The following ERICH6B variants were observed in gnomAD, a reference collection of about 807,000 sequenced individuals.
The protein encoded by ERICH6B is glutamate-rich protein 6B.
Under a neutral mutation model 80.0 loss-of-function variants are expected in ERICH6B, and 69 were observed. The observed-to-expected ratio is 0.86, with a 90% CI of 0.71 to 1.05. The LOEUF is 1.05. Ranked by LOEUF, ERICH6B falls within the 50% of genes least tolerant of loss-of-function variation. The pLI is 0.00. For synonymous variants in ERICH6B, 283 were observed against 291.9 expected (o/e 0.97, Z 0.31); for missense variants, 754 against 796.1 (o/e 0.95, Z 0.64).
chr13:45,599,223 G>A (rs188270905), intron 2 of ERICH6B, among the ~76,000 whole-genome samples: 4 of 152,320 alleles, frequency 2.6e-5, no homozygotes, highest in Non-Finnish European at 4.4e-5. Flanking sequence ...GATCACTTAA[G>A]AGGTCAGTGG....
chr13:45,580,917 TCTC>T lies in ERICH6B; in HGVS notation c.857-255_857-253del, dbSNP rs1330791017. Among the ~76,000 whole-genome samples the T allele has an allele frequency of 3.9e-5, 6 of 152,296 alleles. No homozygotes were observed. In the East Asian group the frequency reaches 7.7e-4, roughly 20 times the overall value. Reference sequence around the variant, plus strand: ...AGAAAATGTAACCCTGTTGTGGCCTTCTCCTCTGGTTACCATGAGGCTAGTTTT... The same window carrying T: ...AGAAAATGTAACCCTGTTGTGGCCTTCTCTGGTTACCATGAGGCTAGTTTT... On this transcript the variant is annotated intron_variant, in intron 5 of 14. Coordinates refer to ENST00000298738, the MANE Select transcript of ERICH6B (RefSeq NM_182542.3).
chr13:45,606,705 C>T (rs1949868992), intron 2 of ERICH6B, among the ~76,000 whole-genome samples: 1 of 151,046 alleles, frequency 6.6e-6, no homozygotes, highest in Non-Finnish European at 1.5e-5. Context: ...AGGTGCCCAT[C>T]ACCATGCGTG....
chr13:45,559,535 G>A (rs1036235818), intron 11 of ERICH6B, among the ~76,000 whole-genome samples: 1 of 151,916 alleles, frequency 6.6e-6, no homozygotes, highest in South Asian at 2.1e-4. Context: ...GGCATTTAGG[G>A]CCACTAACTT....
intron 3 of ERICH6B, among the ~76,000 whole-genome samples, chr13:45,591,527 C>T (rs1006617019): frequency 1.5e-4 from 23 of 152,210 alleles, no homozygotes; most frequent in African/African-American, 4.6e-4. Context: ...ACCCAGGAGG[C>T]GGAGCTTGCA....
intron 14 of ERICH6B, among the ~76,000 whole-genome samples, chr13:45,542,016 G>T (rs1289638496): frequency 1.3e-5 from 2 of 152,174 alleles, no homozygotes; most frequent in South Asian, 2.1e-4. Context: ...TCCCCATGGG[G>T]TCCCGACCAT....
chr13:45,590,741 T>A, intron 3 of ERICH6B, 44 bp from the exon 4 acceptor site: 2 of 1,503,614 alleles, frequency 1.3e-6, no homozygotes, highest in South Asian at 1.2e-5. Context: ...CAAAAAAGCA[T>A]CTTTCTTTCT....
At chr13:45,560,031 A>G (rs1874601224) in intron 11 of ERICH6B, among the ~76,000 whole-genome samples, 1 of 152,078 alleles carries the variant, frequency 6.6e-6, no homozygotes, top group Non-Finnish European at 1.5e-5. Context: ...GTCCAGTAGT[A>G]ATTGTTTGAT....
chr13:45,587,047 G>A lies in ERICH6B; in HGVS notation c.856+16C>T, dbSNP rs1240434293. 7.1e-6 allele frequency: 11 copies of A among 1,549,888 alleles called. No individual in the cohort carries two copies. The Admixed American group carries it at 2.0e-4, about 28-fold the overall frequency. On this transcript the variant is annotated intron_variant, in intron 5 of 14. Coordinates refer to ENST00000298738, the MANE Select transcript of ERICH6B (RefSeq NM_182542.3). ...AGCCCGGCTGCGCCTCACCGACAGA[G>A]CGCAGCTTCCCTCACCGGCAGTTCT...
intron 11 of ERICH6B, among the ~76,000 whole-genome samples, chr13:45,558,065 G>A (rs1297596129): frequency 6.6e-6 from 1 of 152,126 alleles, no homozygotes; most frequent in Non-Finnish European, 1.5e-5. Flanking sequence ...CCATCCATGA[G>A]CATGGGATGT....
intron 11 of ERICH6B, 65 bp from the exon 12 acceptor site, chr13:45,550,381 A>G: frequency 7.3e-7 from 1 of 1,365,598 alleles, no homozygotes. Flanking sequence ...GTCCTACTGC[A>G]GAGCACGGTG....
At chr13:45,606,433 C>T (rs1403676568) in intron 2 of ERICH6B, among the ~76,000 whole-genome samples, 4 of 143,110 alleles carry the variant, frequency 2.8e-5, no homozygotes, top group East Asian at 2.2e-4. Flanking sequence ...TAGGCTGCCT[C>T]GCGGGGTGGT....
chr13:45,575,496 C>T (rs186857250), intron 7 of ERICH6B, among the ~76,000 whole-genome samples: 127 of 152,166 alleles, frequency 8.3e-4, no homozygotes, highest in African/African-American at 2.9e-3. Flanking sequence ...TTTCAAAGGA[C>T]CTTGTAGGCT....
At chr13:45,557,944 A>AT (rs138698972) in intron 11 of ERICH6B, among the ~76,000 whole-genome samples, 50,342 of 146,758 alleles carry the variant, frequency 0.34, 8,862 homozygotes, top group East Asian at 0.54. Flanking sequence ...GAATTTTAGG[A>AT]TTTTTTTTTT....
At chr13:45,548,398 A>G (rs1874071219) in intron 13 of ERICH6B, among the ~76,000 whole-genome samples, 2 of 152,196 alleles carry the variant, frequency 1.3e-5, no homozygotes, top group South Asian at 4.1e-4. Context: ...TCCTAGGTCA[A>G]TGAGACTGCA....
intron 13 of ERICH6B, among the ~76,000 whole-genome samples, chr13:45,549,332 GA>G (rs1437143986): frequency 6.6e-6 from 1 of 151,866 alleles, no homozygotes; most frequent in Non-Finnish European, 1.5e-5. Flanking sequence ...CCACTTAGAA[GA>G]GGGAGGGAAG....
chr13:45,563,590 A>G (rs1166750696), intron 10 of ERICH6B, 137 bp downstream of exon 10: 6 of 791,754 alleles, frequency 7.6e-6, no homozygotes, highest in African/African-American at 1.7e-5. Context: ...GGCAGCCAGG[A>G]CCACATCAGC....
chr13:45,549,796 CTG>C, intron 13 of ERICH6B, 95 bp downstream of exon 13: 3 of 1,353,366 alleles, frequency 2.2e-6, no homozygotes, highest in Non-Finnish European at 3.0e-6. Flanking sequence ...ATGTGTAACT[CTG>C]AGACAGGGAG....
intron 2 of ERICH6B, among the ~76,000 whole-genome samples, chr13:45,604,396 T>G: frequency 6.6e-6 from 1 of 152,188 alleles, no homozygotes; most frequent in African/African-American, 2.4e-5. Context: ...CAGAAGCCCC[T>G]CATGCTGCCC....
intron 1 of ERICH6B, among the ~76,000 whole-genome samples, chr13:45,609,807 C>G (rs1949889411): frequency 6.6e-6 from 1 of 152,226 alleles, no homozygotes; most frequent in South Asian, 2.1e-4. Context: ...CTCTGAGAAA[C>G]TGCATCATTA....
Sources: gnomAD v4.1 joint callset for allele counts (sites outside exome capture counted in the v4.1 genomes callset) on GRCh38, gnomAD v4.1.1 for gene constraint, MANE v1.5 for transcripts, NCBI Gene and HGNC (gene_info 2026-07-23, HGNC 2026-07-21) for gene names.